Variants in SLC24A3 observed in about 807,000 individuals in gnomAD.
SLC24A3 encodes solute carrier family 24 member 3, also known as sodium/potassium/calcium exchanger 3.
A neutral mutation model predicts 75.8 loss-of-function variants in SLC24A3; 28 were observed. The observed-to-expected ratio is 0.37, with a 90% confidence interval of 0.27 to 0.51. SLC24A3 has a LOEUF of 0.51. SLC24A3 is among the 20% of genes least tolerant of loss of function. The pLI, the probability that SLC24A3 is intolerant of heterozygous loss-of-function variation, is 0.94. For missense variants in SLC24A3, 663 were observed against 847.8 expected, an observed-to-expected ratio of 0.78 and a Z score of 2.71; for synonymous variants, 372 against 334.1, an observed-to-expected ratio of 1.11 and a Z score of -1.24.
chr20:19,518,825 C>T lies in SLC24A3; in HGVS notation c.348+3261C>T, dbSNP rs78164809. On this transcript the variant is annotated intron_variant, in intron 3 of 16. Transcript: ENST00000328041. Reference sequence around the variant, plus strand: ...TACAGTCAGTTGAGAAGAGCCCAGGCAGGACATAGAAAAAGGCTCAGGGCC... The same window carrying T: ...TACAGTCAGTTGAGAAGAGCCCAGGTAGGACATAGAAAAAGGCTCAGGGCC... 6.1e-3 allele frequency among the ~76,000 whole-genome samples: 934 copies of T among 152,308 alleles called. 10 individuals are homozygous for T. Among genetic ancestry groups the T allele is most frequent in the African/African-American group, 0.021 (878 of 41,558 alleles).
intron 2 of SLC24A3, among the ~76,000 whole-genome samples, chr20:19,419,709 G>A (rs1199540547): frequency 3.3e-5 from 5 of 152,102 alleles, no homozygotes. Context: ...CCCGTGGGAG[G>A]CAGTGCTGGA....
intron 2 of SLC24A3, among the ~76,000 whole-genome samples, chr20:19,396,995 G>T (rs1228354142): frequency 1.3e-5 from 2 of 152,172 alleles, no homozygotes. Flanking sequence ...AACAGAACTT[G>T]GCCTGAAGGG....
At chr20:19,260,580 A>G (rs1982951202) in intron 1 of SLC24A3, among the ~76,000 whole-genome samples, 1 of 152,258 alleles carries the variant, frequency 6.6e-6, no homozygotes, top group South Asian at 2.1e-4. Context: ...CTGAACTGAA[A>G]ATGAAAGAAC....
Position 19,679,332 on chromosome 20 carries a change from C to A in SLC24A3, c.768-2526C>A, listed in dbSNP as rs373606635. ...CCCGGCCAACACAGCGAAACCCCGT[C>A]TCCACCAAAAAAATACGAAAACCAG... On this transcript the variant is annotated intron_variant, in intron 9 of 16. Coordinates refer to ENST00000328041, the MANE Select transcript of SLC24A3 (RefSeq NM_020689.4). 5.9e-5 allele frequency among the ~76,000 whole-genome samples: 9 copies of A among 152,366 alleles called. No homozygotes were observed. The South Asian group carries it at 8.3e-4, about 14-fold the overall frequency.
chr20:19,691,617 A>T (rs529817043), intron 12 of SLC24A3, among the ~76,000 whole-genome samples: 2 of 152,284 alleles, frequency 1.3e-5, no homozygotes, highest in South Asian at 4.1e-4. Flanking sequence ...GTTGTCAGCC[A>T]GGCCTTGGTG....
chr20:19,606,944 T>C (rs1683624061), intron 6 of SLC24A3, among the ~76,000 whole-genome samples: 1 of 152,206 alleles, frequency 6.6e-6, no homozygotes, highest in Non-Finnish European at 1.5e-5. Flanking sequence ...GGTACACCTG[T>C]CAACCCTTGT....
At chr20:19,216,854 G>A (rs1466939418) in intron 1 of SLC24A3, among the ~76,000 whole-genome samples, 1 of 152,136 alleles carries the variant, frequency 6.6e-6, no homozygotes, top group Non-Finnish European at 1.5e-5. Context: ...TGGGGGTAAT[G>A]GGGCTGGCTT....
intron 2 of SLC24A3, among the ~76,000 whole-genome samples, chr20:19,387,014 A>G (rs1986283709): frequency 6.6e-6 from 1 of 152,024 alleles, no homozygotes; most frequent in African/African-American, 2.4e-5. Flanking sequence ...TACTGATTCA[A>G]TCTCCTTACT....
chr20:19,663,312 C>T (rs139570431), intron 7 of SLC24A3, among the ~76,000 whole-genome samples: 20 of 149,744 alleles, frequency 1.3e-4, no homozygotes, highest in African/African-American at 4.7e-4. Context: ...CTCATTCCTC[C>T]ACACAGTCCT....
At chr20:19,463,089 A>G (rs912123858) in intron 2 of SLC24A3, among the ~76,000 whole-genome samples, 2 of 152,182 alleles carry the variant, frequency 1.3e-5, no homozygotes, top group Admixed American at 6.5e-5. Context: ...TTAGCAACAT[A>G]TTATTAACCT....
chr20:19,360,230 A>G (rs542586296), intron 2 of SLC24A3, among the ~76,000 whole-genome samples: 13 of 152,228 alleles, frequency 8.5e-5, no homozygotes, highest in Non-Finnish European at 1.5e-4. Context: ...GACACGAATG[A>G]GAAGGTCTTA....
chr20:19,475,658 G>A (rs1439192437), intron 2 of SLC24A3, among the ~76,000 whole-genome samples: 1 of 151,934 alleles, frequency 6.6e-6, no homozygotes, highest in Non-Finnish European at 1.5e-5. Context: ...AAAATAAATA[G>A]GAATTGACTT....
At chr20:19,313,717 G>A (rs1303911974) in intron 2 of SLC24A3, among the ~76,000 whole-genome samples, 2 of 152,248 alleles carry the variant, frequency 1.3e-5, no homozygotes. Context: ...CTGATTCCAT[G>A]TGGACATGTA....
rs532487780 is a variant in SLC24A3, at chr20:19,227,469, C to T, written c.142+14485C>T. 5.3e-4 allele frequency among the ~76,000 whole-genome samples: 80 copies of T among 151,874 alleles called. 1 individual carries two copies. The highest frequency in any genetic ancestry group is 5.7e-4 in the Non-Finnish European group (39 of 67,960). ...ATCTCTTTCCCTTTATTTTTTCATC[C>T]GCCTATTCTTAGATTCAGGCTCTTA... On this transcript the variant is annotated intron_variant, in intron 1 of 16. Transcript: ENST00000328041.
Position 19,261,298 on chromosome 20 carries a change from G to A in SLC24A3, c.143-19661G>A, listed in dbSNP as rs145539441. ...ATGGACAATGGACCCCCAAGAAGGG[G>A]GATGGGGACTTTGTGGTGAGCATTC... On this transcript the variant is annotated intron_variant, in intron 1 of 16. Transcript: ENST00000328041. Among the ~76,000 whole-genome samples the A allele has an allele frequency of 2.3e-3, 352 of 152,218 alleles. 2 individuals carry two copies. Among genetic ancestry groups the A allele is most frequent in the African/African-American group, 8.1e-3 (337 of 41,536 alleles).
intron 7 of SLC24A3, among the ~76,000 whole-genome samples, chr20:19,654,499 A>G (rs909572980): frequency 4.6e-5 from 7 of 151,852 alleles, no homozygotes; most frequent in African/African-American, 1.7e-4. Context: ...GCCCTCCCAC[A>G]GAGCCCATTA....
At chr20:19,502,841 G>A (rs981119979) in intron 2 of SLC24A3, among the ~76,000 whole-genome samples, 2 of 142,412 alleles carry the variant, frequency 1.4e-5, no homozygotes, top group Non-Finnish European at 1.5e-5. Context: ...GACCAGCTTA[G>A]GTGACATAGC....
rs112090632 is a variant in SLC24A3 at position 19,345,021 on chromosome 20, A to G, written c.271+63934A>G. On this transcript the variant is annotated intron_variant, in intron 2 of 16. Transcript: ENST00000328041. Reference sequence around the variant, plus strand: ...AGAAAAGCAAAGAAAAGACACACTGATTTGGAAGAAAGAAATAAACTGGTT... The same window carrying G: ...AGAAAAGCAAAGAAAAGACACACTGGTTTGGAAGAAAGAAATAAACTGGTT... Among the ~76,000 whole-genome samples, 464 of 152,332 alleles carry G rather than the reference A, an allele frequency of 3.0e-3. 3 individuals are homozygous for G. Among genetic ancestry groups the G allele is most frequent in the African/African-American group, 1.0e-2 (414 of 41,572 alleles).
chr20:19,633,505 C>T (rs1219659831), intron 6 of SLC24A3, among the ~76,000 whole-genome samples: 4 of 151,658 alleles, frequency 2.6e-5, no homozygotes, highest in South Asian at 4.2e-4. Flanking sequence ...AAAAATTAGC[C>T]GGGCGTAGTG....
Sources: allele counts gnomAD v4.1 joint callset (sites outside exome capture counted in the v4.1 genomes callset), GRCh38; gene constraint gnomAD v4.1.1; transcripts MANE v1.5; gene names NCBI Gene and HGNC (gene_info 2026-07-23, HGNC 2026-07-21).